The following SCN7A variants were observed in gnomAD, a reference collection of about 807,000 sequenced individuals.
SCN7A encodes sodium channel protein type 7 subunit alpha.
Under a neutral mutation model 155.2 loss-of-function variants are expected in SCN7A, and 138 were observed. The observed-to-expected ratio is 0.89, with a 90% CI of 0.77 to 1.02. SCN7A has a LOEUF of 1.02. SCN7A is among the 50% of genes least tolerant of loss of function. SCN7A has a pLI of 0.00. For synonymous variants in SCN7A, 693 were observed against 649.0 expected (o/e 1.07, Z -1.03); for missense variants, 2,058 against 1,986.6 (o/e 1.04, Z -0.68).
intron 15 of SCN7A, among the ~76,000 whole-genome samples, chr2:166,438,715 T>C (rs1701889677): frequency 6.6e-6 from 1 of 151,840 alleles, no homozygotes; most frequent in South Asian, 2.1e-4. Flanking sequence ...GATTATCTCC[T>C]TACATTTTTC....
chr2:166,421,167 T>G lies in SCN7A; in HGVS notation c.3135+23A>C, dbSNP rs371305484. On this transcript the variant is annotated intron_variant, in intron 20 of 25. Coordinates refer to ENST00000643258, the MANE Select transcript of SCN7A (RefSeq NM_002976.4). The stretch of plus-strand genomic sequence containing the variant: ...TAATTCCAAATAAAAATTTGTAGAT[T>G]AGCTTAGAAACTTATCTCTTACCTT... 3.6e-5 allele frequency: 51 copies of G among 1,414,492 alleles called. No homozygotes were observed. The African/African-American group carries it at 6.3e-4, about 18-fold the overall frequency. The allele number at this position is 1,414,492 out of a possible 1,614,324, so 87.6% of individuals were successfully genotyped here.
intron 12 of SCN7A, 85 bp downstream of exon 12, chr2:166,447,527 T>G (rs1702089034): frequency 1.2e-6 from 1 of 828,976 alleles, no homozygotes; most frequent in Non-Finnish European, 1.9e-6. Flanking sequence ...CATCTAAGAT[T>G]CTGAAGAAAT....
chr2:166,412,171 T>C (rs2105366757), intron 23 of SCN7A, among the ~76,000 whole-genome samples: 1 of 152,208 alleles, frequency 6.6e-6, no homozygotes, highest in South Asian at 2.1e-4. Context: ...AGGCTTTAAA[T>C]ATAACAGAGA....
At chr2:166,447,365 T>C (rs576191122) in intron 12 of SCN7A, among the ~76,000 whole-genome samples, 7 of 152,294 alleles carry the variant, frequency 4.6e-5, no homozygotes, top group African/African-American at 1.7e-4. Context: ...TAGTCACAAG[T>C]TAATATGTCA....
chr2:166,460,460 G>T (rs943231511), intron 10 of SCN7A, among the ~76,000 whole-genome samples: 1 of 152,076 alleles, frequency 6.6e-6, no homozygotes, highest in Admixed American at 6.5e-5. Flanking sequence ...TAAAAAATTA[G>T]CAGGTAGTTT....
chr2:166,464,176 A>G lies in SCN7A; in HGVS notation c.941+1286T>C, dbSNP rs116457794. Among the ~76,000 whole-genome samples, 1,488 of 150,658 alleles carry G rather than the reference A, an allele frequency of 9.9e-3. 18 individuals carry two copies. Among genetic ancestry groups the G allele is most frequent in the African/African-American group, 0.034 (1,411 of 41,364 alleles). On this transcript the variant is annotated intron_variant, in intron 9 of 25. Transcript: ENST00000643258. ...TATATATACACATATGTGTGTATAT[A>G]TATGTGTATATATGTATGTGTGTGT...
At chr2:166,438,609 A>G (rs1452732605) in intron 15 of SCN7A, among the ~76,000 whole-genome samples, 3 of 152,202 alleles carry the variant, frequency 2.0e-5, no homozygotes, top group Admixed American at 6.5e-5. Context: ...TTCTTAGAAG[A>G]GTAAGACAAA....
intron 12 of SCN7A, among the ~76,000 whole-genome samples, chr2:166,446,834 G>A (rs1702074082): frequency 6.6e-6 from 1 of 152,028 alleles, no homozygotes; most frequent in Non-Finnish European, 1.5e-5. Flanking sequence ...GAGAACACAT[G>A]GACACAGGGA....
At chr2:166,490,361 CT>C (rs1404478080) in intron 1 of SCN7A, among the ~76,000 whole-genome samples, 1 of 152,132 alleles carries the variant, frequency 6.6e-6, no homozygotes, top group Admixed American at 6.6e-5. Context: ...CAGTATTTGT[CT>C]TTCAATGCCT....
At chr2:166,417,083 T>A (rs1361542069) in intron 20 of SCN7A, 98 bp from the exon 21 acceptor site, 30 of 906,754 alleles carry the variant, frequency 3.3e-5, no homozygotes, top group Non-Finnish European at 4.3e-5. Flanking sequence ...ATAACATATT[T>A]AAAAAAAAAC....
At chr2:166,468,613 T>C (rs1702587403) in intron 7 of SCN7A, among the ~76,000 whole-genome samples, 1 of 152,008 alleles carries the variant, frequency 6.6e-6, no homozygotes, top group Non-Finnish European at 1.5e-5. Context: ...TGTGTCGAAA[T>C]GGTTTCAGAG....
chr2:166,423,225 T>C (rs1047524338), intron 19 of SCN7A, 34 bp downstream of exon 19: 1 of 1,580,592 alleles, frequency 6.3e-7, no homozygotes, highest in Admixed American at 2.0e-5. Context: ...AAAAAGTAAA[T>C]CAAATAGCCT....
intron 10 of SCN7A, chr2:166,462,142 C>G: frequency 3.3e-6 from 1 of 301,810 alleles, no homozygotes. Context: ...TCTCTTCTCT[C>G]TCTCCTCTCT....
chr2:166,491,885 G>A (rs2105549255), intron 1 of SCN7A, among the ~76,000 whole-genome samples: 1 of 152,174 alleles, frequency 6.6e-6, no homozygotes, highest in African/African-American at 2.4e-5. Context: ...TAAGCTTTCA[G>A]GAGGGAGTCT....
At chr2:166,480,166 T>C (rs1452463214) in intron 2 of SCN7A, among the ~76,000 whole-genome samples, 1 of 152,144 alleles carries the variant, frequency 6.6e-6, no homozygotes, top group African/African-American at 2.4e-5. Context: ...TCCTTTAAAA[T>C]AGCCTTTCAG....
In SCN7A at chr2:166,406,642, T is replaced by C; in HGVS notation, c.3987A>G (p.Leu1329=). 4 of 1,597,138 alleles carry C rather than the reference T, an allele frequency of 2.5e-6. No homozygotes were observed. The highest frequency in any genetic ancestry group is 2.3e-5 in the South Asian group (2 of 88,432). The change falls in exon 26 of 26, where the codon CTA becomes CTG. Residue 1329 remains leucine (L), a synonymous_variant. Coordinates refer to ENST00000643258, the MANE Select transcript of SCN7A (RefSeq NM_002976.4). ...FMVVIFSITG[L]CLPMTVGSYL... ...AGGATCCTACTGTCATAGGCAGACA[T>C]AGTCCTGGGGGTGGGAAAGATAAAG...
chr2:166,465,597 T>G (rs939522736), intron 8 of SCN7A, 66 bp from the exon 9 acceptor site: 7 of 1,309,730 alleles, frequency 5.3e-6, no homozygotes, highest in Admixed American at 4.0e-5. Context: ...TAGAAGTCCA[T>G]TTGGATCTCT....
chr2:166,432,906 C>G (rs1701764726), intron 15 of SCN7A, among the ~76,000 whole-genome samples, 154 bp from the exon 16 acceptor site: 1 of 152,048 alleles, frequency 6.6e-6, no homozygotes, highest in Non-Finnish European at 1.5e-5. Flanking sequence ...ACTGTAGTCA[C>G]CATGCTGTAC....
At position 166,406,344 on chromosome 2, in the gene SCN7A, G is replaced by GA; in HGVS notation, c.4284dup (p.Gln1429SerfsTer13). On this transcript the variant is annotated frameshift_variant, in exon 26 of 26. Transcript: ENST00000643258. LOFTEE classifies it high-confidence loss of function. ...TCCCAACCAGCAAATATTGCAACTTGAAAAAGACAGAGCATACTGTTGCCA... is the reference window on the plus strand; with the variant it reads ...TCCCAACCAGCAAATATTGCAACTTGAAAAAAGACAGAGCATACTGTTGCCA... 1 of 1,613,122 alleles carries GA rather than the reference G, an allele frequency of 6.2e-7. No individual in the cohort carries two copies. The highest frequency in any genetic ancestry group is 8.5e-7 in the Non-Finnish European group (1 of 1,179,402).
Sources: gnomAD v4.1 joint callset for allele counts (sites outside exome capture counted in the v4.1 genomes callset) on GRCh38, gnomAD v4.1.1 for gene constraint, MANE v1.5 for transcripts, NCBI Gene and HGNC (gene_info 2026-07-23, HGNC 2026-07-21) for gene names.